Variants in MAGEC3 observed in about 807,000 individuals in gnomAD.
The protein encoded by MAGEC3 is MAGE family member C3.
Under a neutral mutation model 35.3 loss-of-function variants are expected in MAGEC3, and 34 were observed. The ratio of observed to expected loss-of-function variants is 0.96; its 90% CI spans 0.73 to 1.28. The LOEUF is 1.28. Ranked by LOEUF, MAGEC3 falls within the 50% of genes most tolerant of loss-of-function variation. MAGEC3 has a pLI of 0.00. For missense variants in MAGEC3, 561 were observed against 483.6 expected, an observed-to-expected ratio of 1.16 and a Z score of -1.50; for synonymous variants, 202 against 185.6, an observed-to-expected ratio of 1.09 and a Z score of -0.72.
intron 6 of MAGEC3, chrX:141,896,671 C>G: frequency 2.5e-6 from 3 of 1,210,175 alleles, no homozygotes; most frequent in Non-Finnish European, 3.4e-6. Context: ...CTTTCCAAAC[C>G]TTCCACGCCT....
At chrX:141,881,262 G>A (rs1327267808) in intron 3 of MAGEC3, 141 bp from the exon 4 acceptor site, 3 of 648,931 alleles carry the variant, frequency 4.6e-6, no homozygotes, top group South Asian at 3.0e-5. Context: ...CTGGGATGCT[G>A]CCTCTTCCCC....
intron 1 of MAGEC3, among the ~76,000 whole-genome samples, chrX:141,848,723 A>G (rs1186002187): frequency 1.8e-5 from 2 of 111,450 alleles, no homozygotes; most frequent in African/African-American, 3.2e-5. Flanking sequence ...TATAGATTCA[A>G]TGTTATCCCT....
At chrX:141,895,670 C>T (rs1358818612) in intron 6 of MAGEC3, 111 bp downstream of exon 6, 2 of 585,654 alleles carry the variant, frequency 3.4e-6, no homozygotes, top group Non-Finnish European at 4.6e-6. Context: ...TATCAGCCCT[C>T]GTAGAGCTCC....
chrX:141,854,278 A>G (rs6654456), intron 1 of MAGEC3, among the ~76,000 whole-genome samples: 10,701 of 110,759 alleles, frequency 0.097, 1,020 homozygotes, highest in African/African-American at 0.29. Flanking sequence ...ATTATGGGAG[A>G]TAAACATTCT....
intron 4 of MAGEC3, among the ~76,000 whole-genome samples, chrX:141,889,939 A>T (rs983082094): frequency 8.9e-6 from 1 of 112,610 alleles, no homozygotes; most frequent in East Asian, 2.8e-4. Context: ...AGTTAAAAAC[A>T]TGTTTGTGCG....
chrX:141,860,365 C>T (rs144260712), intron 1 of MAGEC3, among the ~76,000 whole-genome samples: 1,618 of 111,907 alleles, frequency 0.014, 26 homozygotes, highest in African/African-American at 0.049. Context: ...TAAAATGATA[C>T]AGTTTATGTG....
At chrX:141,868,960 C>T (rs2017869269) in intron 2 of MAGEC3, among the ~76,000 whole-genome samples, 1 of 109,768 alleles carries the variant, frequency 9.1e-6, no homozygotes, top group South Asian at 3.9e-4. Context: ...CGGCTCACTG[C>T]AAGCTCCGCC....
At chrX:141,897,512 T>C (rs2018113564) in intron 7 of MAGEC3, 26 bp downstream of exon 7, 1 of 1,197,072 alleles carries the variant, frequency 8.4e-7, no homozygotes, top group Non-Finnish European at 1.1e-6. Flanking sequence ...GAGCACTTTA[T>C]ATATGGGGAT....
chrX:141,850,814 A>G (rs916968420), intron 1 of MAGEC3, among the ~76,000 whole-genome samples: 5 of 111,310 alleles, frequency 4.5e-5, no homozygotes, highest in Non-Finnish European at 9.5e-5. Flanking sequence ...ATACTATGAA[A>G]ATTTTATGCC....
intron 1 of MAGEC3, among the ~76,000 whole-genome samples, chrX:141,857,396 C>G (rs754685485): frequency 1.1e-4 from 12 of 110,817 alleles, no homozygotes; most frequent in South Asian, 7.6e-4. Flanking sequence ...TTCAGTTCTC[C>G]ACAAACCTCT....
At position 141,879,343 on chromosome X, in the gene MAGEC3, C is replaced by A; in HGVS notation, c.427C>A (p.Leu143Ile). Reference protein sequence around the residue: ...EKRTLWKDSDLPTWRRGTGYT... With the variant: ...EKRTLWKDSDIPTWRRGTGYT... ...GAGAACTCTGTGGAAGGACAGTGAC[C>A]TTCCAACATGGAGGAGAGGCACAGG... Residue 143 changes from leucine to isoleucine, a missense_variant, in exon 3 of 8, where the codon CTT (leucine) becomes ATT (isoleucine). Leu to Ile is a conservative substitution (Grantham distance 5, BLOSUM62 2). Coordinates refer to ENST00000298296, the MANE Select transcript of MAGEC3 (RefSeq NM_138702.1). 1 of 1,201,495 alleles carries A rather than the reference C, an allele frequency of 8.3e-7. No homozygotes were observed. The highest frequency in any genetic ancestry group is 2.2e-5 in the Admixed American group (1 of 44,801).
chrX:141,882,223 T>C (rs1209303361), intron 4 of MAGEC3, among the ~76,000 whole-genome samples: 2 of 111,722 alleles, frequency 1.8e-5, no homozygotes, highest in East Asian at 2.8e-4. Context: ...CGGGTGGGGC[T>C]TGAGGGAACA....
chrX:141,839,249 TC>T (rs1816842855), intron 1 of MAGEC3: 2 of 233,810 alleles, frequency 8.6e-6, no homozygotes, highest in African/African-American at 6.0e-5. Flanking sequence ...TCCAGTGATT[TC>T]CTTTGAATTA....
intron 4 of MAGEC3, among the ~76,000 whole-genome samples, chrX:141,891,531 T>G (rs891981949): frequency 9.2e-6 from 1 of 109,232 alleles, no homozygotes; most frequent in Non-Finnish European, 1.9e-5. Flanking sequence ...TAAAAATACA[T>G]GGAAATCACA....
intron 2 of MAGEC3, among the ~76,000 whole-genome samples, chrX:141,878,585 G>T (rs747707280): frequency 8.9e-6 from 1 of 111,846 alleles, no homozygotes; most frequent in Non-Finnish European, 1.9e-5. Context: ...AAGAGGAGAA[G>T]GCTCTGCCTA....
chrX:141,880,606 G>T, intron 3 of MAGEC3: 1 of 347,206 alleles, frequency 2.9e-6, no homozygotes, highest in Non-Finnish European at 4.7e-6. Context: ...GAGTCAAGGT[G>T]AGTGCACGCC....
chrX:141,853,948 A>G (rs1023837411), intron 1 of MAGEC3, among the ~76,000 whole-genome samples: 3 of 111,570 alleles, frequency 2.7e-5, no homozygotes, highest in Non-Finnish European at 3.8e-5. Context: ...TTATCCCACA[A>G]TAAGGATGTA....
intron 6 of MAGEC3, 75 bp downstream of exon 6, chrX:141,895,634 C>T: frequency 1.0e-6 from 1 of 973,405 alleles, no homozygotes; most frequent in South Asian, 2.5e-5. Flanking sequence ...AGGACAGCTT[C>T]CCAGAGATTC....
chrX:141,894,663 A>G, intron 4 of MAGEC3: 1 of 969,993 alleles, frequency 1.0e-6, no homozygotes, highest in African/African-American at 2.0e-5. Flanking sequence ...TCAGTTAAGC[A>G]GAGAAAGGAG....
Sources: gnomAD v4.1 joint callset for allele counts (sites outside exome capture counted in the v4.1 genomes callset) on GRCh38, gnomAD v4.1.1 for gene constraint, MANE v1.5 for transcripts, NCBI Gene and HGNC (gene_info 2026-07-23, HGNC 2026-07-21) for gene names.